Variants in DFFA observed in about 807,000 individuals in gnomAD.
DFFA encodes the protein DNA fragmentation factor subunit alpha, also known as DFF45.
A neutral mutation model predicts 28.0 loss-of-function variants in DFFA; 14 were observed. The ratio of observed to expected loss-of-function variants is 0.50; its 90% CI spans 0.33 to 0.78. The LOEUF (loss-of-function observed/expected upper bound fraction) is 0.78, where lower values mean the gene tolerates loss of function less well. Among genes scored for constraint, DFFA ranks in the 30% least tolerant of loss-of-function variants. DFFA has a pLI of 0.02. For missense variants in DFFA, 395 were observed against 407.1 expected (o/e 0.97, Z 0.26); for synonymous variants, 158 against 170.3 (o/e 0.93, Z 0.56).
intron 1 of DFFA, among the ~76,000 whole-genome samples, chr1:10,470,626 C>T (rs1448287161): frequency 3.1e-4 from 47 of 149,996 alleles, no homozygotes; most frequent in African/African-American, 1.1e-3. Context: ...GGGGTTTCAC[C>T]GTGTTAGCCA....
At chr1:10,464,595 G>C (rs886723848) in intron 3 of DFFA, among the ~76,000 whole-genome samples, 1 of 151,988 alleles carries the variant, frequency 6.6e-6, no homozygotes, top group Non-Finnish European at 1.5e-5. Flanking sequence ...TACGCCTGTG[G>C]TCCCAGCTAC....
Position 10,467,331 on chromosome 1 carries a change from A to C in DFFA, c.300T>G (p.Asp100Glu), listed in dbSNP as rs1641037593. The C allele has an allele frequency of 3.7e-6, 6 of 1,614,146 alleles. No individual in the cohort carries two copies. The highest frequency in any genetic ancestry group is 5.1e-6 in the Non-Finnish European group (6 of 1,180,028). The change falls in exon 3 of 6, where the codon GAT becomes GAG. Residue 100 changes from aspartate to glutamate, a missense_variant and splice_region_variant. Physicochemically the swap from Asp to Glu is conservative, Grantham distance 45. Coordinates refer to ENST00000377038, the MANE Select transcript of DFFA (RefSeq NM_004401.3). ...SNEKWAYNNS[D>E]GGTAWISQES... Reference sequence around the variant, plus strand: ...CTTGGGAAATCCAAGCTGTACCTCCATCTGACACATGGGAGAAAATGCCAG... The same window carrying C: ...CTTGGGAAATCCAAGCTGTACCTCCCTCTGACACATGGGAGAAAATGCCAG...
In DFFA at chr1:10,458,467, G is replaced by A. The variant is rs1315449504; in HGVS notation, c.*3023C>T. ...AGCCCTTCTTGAATCACAGGAAAAG[G>A]AAACAGTTGTTTTTGTTCTATTTAA... On this transcript the variant is annotated 3_prime_UTR_variant, in exon 6 of 6. Coordinates refer to ENST00000377038, the MANE Select transcript of DFFA (RefSeq NM_004401.3). The A allele has an allele frequency of 6.6e-6, 1 of 151,678 alleles. No individual in the cohort carries two copies. Among genetic ancestry groups the A allele is most frequent in the Non-Finnish European group, 1.5e-5 (1 of 67,966 alleles). The allele number at this position is 151,678 out of a possible 1,614,324, so 9.4% of individuals were successfully genotyped here. A position where few individuals can be genotyped will look rare whatever the true frequency, so the allele number is the denominator to read the frequency against.
rs1354674128 is a variant in DFFA at position 10,457,619 on chromosome 1, A to T, written c.*3871T>A. Reference sequence around the variant, plus strand: ...CCTGAACCTGGGAGATGGAGGTTGCAGTGAGCAGAGATTGTGCCACTACAC... The same window carrying T: ...CCTGAACCTGGGAGATGGAGGTTGCTGTGAGCAGAGATTGTGCCACTACAC... On this transcript the variant is annotated 3_prime_UTR_variant, in exon 6 of 6. Coordinates refer to ENST00000377038, the MANE Select transcript of DFFA (RefSeq NM_004401.3). The T allele has an allele frequency of 6.6e-6, 1 of 152,220 alleles. No individual in the cohort carries two copies. Among genetic ancestry groups the T allele is most frequent in the East Asian group, 1.9e-4 (1 of 5,188 alleles). The allele number at this position is 152,220 out of a possible 1,614,324, so 9.4% of individuals were successfully genotyped here.
rs891268785 is a variant in DFFA, at chr1:10,467,127, A to C, written c.441+63T>G. On this transcript the variant is annotated intron_variant, in intron 3 of 5. Coordinates refer to ENST00000377038, the MANE Select transcript of DFFA (RefSeq NM_004401.3). ...GCTATGGCAAGTATGGAAGCTAAGAAGGTGCTGGGGCGGGGGGCAGAGGCT... is the reference window on the plus strand; with the variant it reads ...GCTATGGCAAGTATGGAAGCTAAGACGGTGCTGGGGCGGGGGGCAGAGGCT... The C allele has an allele frequency of 4.4e-6, 7 of 1,587,990 alleles. No individual in the cohort carries two copies. In the Admixed American group the frequency reaches 6.8e-5, roughly 15 times the overall value.
intron 3 of DFFA, among the ~76,000 whole-genome samples, chr1:10,464,557 A>G (rs1640997061): frequency 6.6e-6 from 1 of 152,014 alleles, no homozygotes; most frequent in Non-Finnish European, 1.5e-5. Flanking sequence ...TTTACCAAAA[A>G]TATAAAAATT....
intron 1 of DFFA, among the ~76,000 whole-genome samples, chr1:10,471,877 G>A (rs979522949): frequency 6.6e-6 from 1 of 152,140 alleles, no homozygotes; most frequent in Non-Finnish European, 1.5e-5. Flanking sequence ...TCCTTGTCTG[G>A]ACCTCCAGAA....
In DFFA at chr1:10,462,590, C is replaced by G. The variant is rs1025488851; in HGVS notation, c.783+468G>C. The G allele has an allele frequency of 7.2e-5, 72 of 1,002,378 alleles. No individual in the cohort carries two copies. The African/African-American group carries it at 1.1e-3, about 16-fold the overall frequency. The allele number at this position is 1,002,378 out of a possible 1,614,324, so 62.1% of individuals were successfully genotyped here. A position where few individuals can be genotyped will look rare whatever the true frequency, so the allele number is the denominator to read the frequency against. ...AATAGGGAGGTACTTATGACAGGGA[C>G]AAGGACAATGAATCAGAAGTAGCAC... On this transcript the variant is annotated intron_variant, in intron 5 of 5. Transcript: ENST00000377038.
At chr1:10,462,105 A>G (rs185283766) in intron 5 of DFFA, among the ~76,000 whole-genome samples, 7,992 of 151,684 alleles carry the variant, frequency 0.053, 279 homozygotes, top group South Asian at 0.079. Flanking sequence ...TGATCCGCCC[A>G]CCTTGGCCTC....
chr1:10,466,549 G>A (rs573245011), intron 3 of DFFA, among the ~76,000 whole-genome samples: 7 of 152,112 alleles, frequency 4.6e-5, no homozygotes, highest in African/African-American at 9.6e-5. Context: ...GCTCAAAGTC[G>A]TGGTGACAGC....
chr1:10,467,004 C>T (rs1008426632), intron 3 of DFFA, among the ~76,000 whole-genome samples, 186 bp downstream of exon 3: 3 of 142,772 alleles, frequency 2.1e-5, no homozygotes, highest in Non-Finnish European at 4.5e-5. Context: ...TGCTTCGTGA[C>T]GAGGGTTGAA....
intron 5 of DFFA, among the ~76,000 whole-genome samples, chr1:10,462,206 G>C (rs1355530194): frequency 2.0e-5 from 3 of 152,184 alleles, no homozygotes; most frequent in Admixed American, 2.0e-4. Flanking sequence ...GCCCAGGCTG[G>C]AGTGCAGTGG....
At chr1:10,467,914 T>C (rs944271265) in intron 2 of DFFA, among the ~76,000 whole-genome samples, 3 of 152,218 alleles carry the variant, frequency 2.0e-5, no homozygotes, top group African/African-American at 7.2e-5. Context: ...CAATCACACT[T>C]CCCTTTCTGG....
chr1:10,464,335 A>G (rs892797250), intron 3 of DFFA, among the ~76,000 whole-genome samples: 1 of 151,594 alleles, frequency 6.6e-6, no homozygotes, highest in Admixed American at 6.6e-5. Flanking sequence ...CTTGTGATCC[A>G]CCCGCCTCGG....
Position 10,463,071 on chromosome 1 carries a change from C to T in DFFA, c.770G>A (p.Ser257Asn), listed in dbSNP as rs1640970433. ...GTTTCCGCCCACCTCCAAATCCTGA[C>T]TAGATAAGCTCAGCTCTGGAGCCTG... The part of the protein sequence containing the change: ...EKQAPELSLS[S>N]QDLELVTKED... The change falls in exon 5 of 6, where the codon AGT becomes AAT. Residue 257 changes from serine to asparagine, a missense_variant. Physicochemically the swap from Ser to Asn is conservative, Grantham distance 46. Transcript: ENST00000377038. 1 of 1,614,040 alleles carries T rather than the reference C, an allele frequency of 6.2e-7. No individual in the cohort carries two copies. The highest frequency in any genetic ancestry group is 1.3e-5 in the African/African-American group (1 of 74,902).
At position 10,456,846 on chromosome 1, in the gene DFFA, C is replaced by T. The variant is rs989449099; in HGVS notation, c.*4644G>A. 1.4e-4 allele frequency: 22 copies of T among 152,184 alleles called. No homozygotes were observed. The highest frequency in any genetic ancestry group is 1.2e-3 in the Admixed American group (18 of 15,278). 9.4% of individuals were successfully genotyped at this position (152,184 alleles called of 1,614,324 possible). ...ACATTCTTTTCTTCTACCACAAGAACGGGCATGCCCTGCCCTCTCTCACTC... is the reference window on the plus strand; with the variant it reads ...ACATTCTTTTCTTCTACCACAAGAATGGGCATGCCCTGCCCTCTCTCACTC... On this transcript the variant is annotated 3_prime_UTR_variant, in exon 6 of 6. Coordinates refer to ENST00000377038, the MANE Select transcript of DFFA (RefSeq NM_004401.3).
At chr1:10,468,128 C>CT (rs57035535) in intron 2 of DFFA, among the ~76,000 whole-genome samples, 24,723 of 148,636 alleles carry the variant, frequency 0.17, 2,432 homozygotes, top group Non-Finnish European at 0.23. Context: ...CTTCAGGACA[C>CT]TTTTTTTTTT....
In DFFA at chr1:10,456,889, G is replaced by A. The variant is rs1433507455; in HGVS notation, c.*4601C>T. ...TCTCACTCCTATTTTTAGACGTATT[G>A]CTGCGCTCCTATGTGTCTATTCTAC... On this transcript the variant is annotated 3_prime_UTR_variant, in exon 6 of 6. Coordinates refer to ENST00000377038, the MANE Select transcript of DFFA (RefSeq NM_004401.3). 1 of 152,174 alleles carries A rather than the reference G, an allele frequency of 6.6e-6. No homozygotes were observed. The highest frequency in any genetic ancestry group is 1.5e-5 in the Non-Finnish European group (1 of 68,052). 9.4% of individuals were successfully genotyped at this position (152,174 alleles called of 1,614,324 possible). A position where few individuals can be genotyped will look rare whatever the true frequency, so the allele number is the denominator to read the frequency against.
chr1:10,460,714 A>G lies in DFFA; in HGVS notation c.*776T>C, dbSNP rs1295833269. On this transcript the variant is annotated 3_prime_UTR_variant, in exon 6 of 6. Coordinates refer to ENST00000377038, the MANE Select transcript of DFFA (RefSeq NM_004401.3). ...CCAGCTAGTTTTTTGTACTTTTAGTAAAAACACGTTTCACTGTGTTAGCCA... is the reference window on the plus strand; with the variant it reads ...CCAGCTAGTTTTTTGTACTTTTAGTGAAAACACGTTTCACTGTGTTAGCCA... 1 of 151,062 alleles carries G rather than the reference A, an allele frequency of 6.6e-6. No homozygotes were observed. The highest frequency in any genetic ancestry group is 2.0e-4 in the East Asian group (1 of 5,072). 9.4% of individuals were successfully genotyped at this position (151,062 alleles called of 1,614,324 possible). A position where few individuals can be genotyped will look rare whatever the true frequency, so the allele number is the denominator to read the frequency against.
Sources: gnomAD v4.1 joint callset for allele counts (sites outside exome capture counted in the v4.1 genomes callset) on GRCh38, gnomAD v4.1.1 for gene constraint, MANE v1.5 for transcripts, NCBI Gene and HGNC (gene_info 2026-07-23, HGNC 2026-07-21) for gene names.